Variants in NOX4 observed in about 807,000 individuals in gnomAD.
NOX4 encodes kidney oxidase-1.
Under a neutral mutation model 87.6 loss-of-function variants are expected in NOX4, and 69 were observed. The observed-to-expected ratio is 0.79, with a 90% confidence interval of 0.65 to 0.96. The LOEUF (loss-of-function observed/expected upper bound fraction) is 0.96, where lower values mean the gene tolerates loss of function less well. Among genes scored for constraint, NOX4 ranks in the 40% least tolerant of loss-of-function variants. The pLI is 0.00. For synonymous variants in NOX4, 275 were observed against 238.2 expected (o/e 1.15, Z -1.42); for missense variants, 680 against 681.5 (o/e 1.00, Z 0.02).
the NOX4 span, among the ~76,000 whole-genome samples, chr11:89,506,736 TAAG>T: frequency 6.6e-6 from 1 of 151,780 alleles, no homozygotes; most frequent in African/African-American, 2.4e-5. Flanking sequence ...GACTTAATGA[TAAG>T]AAAACAAATA....
At chr11:89,351,352 T>C (rs189202543) in intron 13 of NOX4, among the ~76,000 whole-genome samples, 85 of 152,280 alleles carry the variant, frequency 5.6e-4, no homozygotes, top group Non-Finnish European at 9.3e-4. Flanking sequence ...CTCTATAATA[T>C]AAAAGTTCAA....
At chr11:89,390,019 A>T (rs1409063982) in intron 11 of NOX4, among the ~76,000 whole-genome samples, 2 of 152,162 alleles carry the variant, frequency 1.3e-5, no homozygotes, top group Non-Finnish European at 2.9e-5. Flanking sequence ...CAAAGATGTG[A>T]TACTCACTGT....
the NOX4 span, among the ~76,000 whole-genome samples, chr11:89,528,952 T>C: frequency 6.6e-6 from 1 of 152,174 alleles, no homozygotes; most frequent in African/African-American, 2.4e-5. Flanking sequence ...TTCTCACAAG[T>C]CCCTTCTCCC....
chr11:89,533,888 C>G, the NOX4 span: 1 of 152,244 alleles, frequency 6.6e-6, no homozygotes, highest in Non-Finnish European at 1.5e-5. Flanking sequence ...TCCCCTGAAA[C>G]AGACGACTAT....
At chr11:89,585,241 T>C in the NOX4 span, among the ~76,000 whole-genome samples, 8 of 152,256 alleles carry the variant, frequency 5.3e-5, no homozygotes, top group East Asian at 7.7e-4. Flanking sequence ...GCCACTCTCA[T>C]ATTGCTCAAT....
rs1590926676 is a variant in NOX4, at chr11:89,326,599, C to T, written c.*157G>A. On this transcript the variant is annotated 3_prime_UTR_variant, in exon 18 of 18. Transcript: ENST00000263317. ...CAGATTAAACATGTAATGTGACGGT[C>T]ATCTTGCCACATTCTCACATTTCCA... 10 of 543,714 alleles carry T rather than the reference C, an allele frequency of 1.8e-5. No homozygotes were observed. In the Admixed American group the frequency reaches 3.4e-4, roughly 19 times the overall value. The allele number at this position is 543,714 out of a possible 1,614,324, so 33.7% of individuals were successfully genotyped here. A position where few individuals can be genotyped will look rare whatever the true frequency, so the allele number is the denominator to read the frequency against.
chr11:89,555,990 TAACA>T, the NOX4 span, among the ~76,000 whole-genome samples: 2 of 152,044 alleles, frequency 1.3e-5, no homozygotes, highest in Non-Finnish European at 1.5e-5. Context: ...TTATAGGACT[TAACA>T]AACAGTTTGT....
the NOX4 span, among the ~76,000 whole-genome samples, chr11:89,529,103 T>C: frequency 7.3e-5 from 11 of 151,704 alleles, no homozygotes; most frequent in African/African-American, 2.7e-4. Flanking sequence ...GAGGAAGAAA[T>C]GTGTGTGGCT....
At chr11:89,508,050 C>A in the NOX4 span, among the ~76,000 whole-genome samples, 1 of 151,908 alleles carries the variant, frequency 6.6e-6, no homozygotes, top group Middle Eastern at 3.4e-3. Context: ...TATATACAAC[C>A]AGGAAGATCA....
intron 13 of NOX4, among the ~76,000 whole-genome samples, chr11:89,347,112 T>A (rs1946247632): frequency 6.6e-6 from 1 of 152,200 alleles, no homozygotes; most frequent in Non-Finnish European, 1.5e-5. Flanking sequence ...AATTCTTTAA[T>A]GAAAGACATT....
chr11:89,563,913 A>C, the NOX4 span, among the ~76,000 whole-genome samples: 3 of 152,176 alleles, frequency 2.0e-5, no homozygotes, highest in African/African-American at 7.2e-5. Context: ...TCAACTTTTC[A>C]AAACAAAAGC....
chr11:89,553,208 T>C, the NOX4 span, among the ~76,000 whole-genome samples: 14 of 152,118 alleles, frequency 9.2e-5, no homozygotes, highest in African/African-American at 3.4e-4. Flanking sequence ...GTAATCCAAA[T>C]TGTAATCCCT....
intron 9 of NOX4, among the ~76,000 whole-genome samples, chr11:89,401,677 G>A (rs1941863217): frequency 6.6e-6 from 1 of 152,046 alleles, no homozygotes; most frequent in Non-Finnish European, 1.5e-5. Context: ...CCAGGAGCAA[G>A]CATATTAGTC....
chr11:89,506,959 C>T, the NOX4 span, among the ~76,000 whole-genome samples: 2 of 151,888 alleles, frequency 1.3e-5, no homozygotes, highest in African/African-American at 4.8e-5. Context: ...CAATACTATT[C>T]ACCAATAAAA....
the NOX4 span, among the ~76,000 whole-genome samples, chr11:89,570,522 A>G: frequency 6.6e-6 from 1 of 152,156 alleles, no homozygotes. Flanking sequence ...AAAAAAAGTG[A>G]TTTTCAATAT....
At chr11:89,425,494 C>T (rs749645964) in intron 7 of NOX4, among the ~76,000 whole-genome samples, 6 of 150,494 alleles carry the variant, frequency 4.0e-5, no homozygotes, top group Non-Finnish European at 7.4e-5. Flanking sequence ...ACCTATATTG[C>T]GATGTGCTGT....
At chr11:89,370,827 G>A (rs934934913) in intron 12 of NOX4, among the ~76,000 whole-genome samples, 8 of 151,954 alleles carry the variant, frequency 5.3e-5, no homozygotes, top group Non-Finnish European at 1.2e-4. Flanking sequence ...GTCTTGTGCC[G>A]CATAGCTGCT....
At chr11:89,372,727 T>G (rs1939536660) in intron 12 of NOX4, among the ~76,000 whole-genome samples, 1 of 152,116 alleles carries the variant, frequency 6.6e-6, no homozygotes, top group African/African-American at 2.4e-5. Context: ...TAAGAATATT[T>G]AAATTTACTT....
intron 8 of NOX4, among the ~76,000 whole-genome samples, chr11:89,414,629 TTAG>T (rs1165460517): frequency 6.9e-6 from 1 of 144,280 alleles, no homozygotes; most frequent in Non-Finnish European, 1.5e-5. Context: ...TATTTTATTA[TTAG>T]ATTTATTATA....
Sources: gnomAD v4.1 joint callset for allele counts (sites outside exome capture counted in the v4.1 genomes callset) on GRCh38, gnomAD v4.1.1 for gene constraint, MANE v1.5 for transcripts, NCBI Gene and HGNC (gene_info 2026-07-23, HGNC 2026-07-21) for gene names.